Variants in NRXN1 observed in about 807,000 individuals in gnomAD.
NRXN1 encodes neurexin-1.
Under a neutral mutation model 150.9 loss-of-function variants are expected in NRXN1, and 39 were observed. The observed-to-expected ratio is 0.26, with a 90% CI of 0.20 to 0.34. The LOEUF is 0.34. NRXN1 is among the 10% of genes least tolerant of loss of function. The probability of loss-of-function intolerance (pLI) is 1.00; values close to 1 mark genes in which losing one functional copy is unlikely to be tolerated. For synonymous variants in NRXN1, 924 were observed against 757.0 expected (o/e 1.22, Z -3.62); for missense variants, 1,815 against 1,949.9 (o/e 0.93, Z 1.30).
chr2:50,638,136 C>G (rs1029608820), intron 5 of NRXN1, among the ~76,000 whole-genome samples: 108 of 152,084 alleles, frequency 7.1e-4, no homozygotes, highest in African/African-American at 2.5e-3. Flanking sequence ...AAAACTGGGT[C>G]TCTAGATCAG....
intron 17 of NRXN1, among the ~76,000 whole-genome samples, chr2:50,260,438 A>G (rs1323516181): frequency 2.0e-5 from 3 of 151,822 alleles, no homozygotes; most frequent in African/African-American, 7.2e-5. Flanking sequence ...AGATGTAGGA[A>G]ATGATTAGGT....
At chr2:50,342,471 C>T (rs868001459) in intron 17 of NRXN1, among the ~76,000 whole-genome samples, 9 of 152,274 alleles carry the variant, frequency 5.9e-5, no homozygotes, top group South Asian at 2.1e-4. Flanking sequence ...CTAAATATTT[C>T]CCCAATGTAG....
intron 5 of NRXN1, among the ~76,000 whole-genome samples, chr2:50,844,429 AC>A (rs963300233): frequency 7.2e-5 from 11 of 152,178 alleles, no homozygotes. Flanking sequence ...GTGGTTTGTT[AC>A]ATTTGCAGGC....
intron 18 of NRXN1, among the ~76,000 whole-genome samples, chr2:50,092,583 A>C (rs997696599): frequency 6.6e-5 from 10 of 152,192 alleles, no homozygotes; most frequent in African/African-American, 2.4e-4. Context: ...GAATGTTAGA[A>C]ACCTGAAGAT....
intron 5 of NRXN1, among the ~76,000 whole-genome samples, chr2:50,634,016 GA>G (rs1294305990): frequency 1.3e-5 from 2 of 152,136 alleles, no homozygotes; most frequent in African/African-American, 4.8e-5. Context: ...GAAAGAATAG[GA>G]AAAAATCCAG....
At chr2:49,947,326 C>T (rs1572988161) in intron 21 of NRXN1, among the ~76,000 whole-genome samples, 1 of 152,060 alleles carries the variant, frequency 6.6e-6, no homozygotes, top group Non-Finnish European at 1.5e-5. Context: ...ATGGCTCTCA[C>T]ATCAGCAGTG....
chr2:50,336,863 C>T (rs1243855614), intron 17 of NRXN1, among the ~76,000 whole-genome samples: 6 of 152,110 alleles, frequency 3.9e-5, no homozygotes, highest in South Asian at 2.1e-4. Flanking sequence ...ATCACAATGC[C>T]TAAAAACTAA....
At chr2:50,770,522 T>C (rs775006578) in intron 5 of NRXN1, among the ~76,000 whole-genome samples, 1 of 152,078 alleles carries the variant, frequency 6.6e-6, no homozygotes, top group Non-Finnish European at 1.5e-5. Context: ...CATCTTAATA[T>C]GGACTTTGCC....
intron 5 of NRXN1, among the ~76,000 whole-genome samples, chr2:50,819,209 C>T (rs1669358446): frequency 6.6e-6 from 1 of 152,118 alleles, no homozygotes; most frequent in African/African-American, 2.4e-5. Flanking sequence ...AAAACTAGGA[C>T]CCTGAAGAGG....
At chr2:50,110,643 G>C (rs950030132) in intron 18 of NRXN1, among the ~76,000 whole-genome samples, 1 of 151,926 alleles carries the variant, frequency 6.6e-6, no homozygotes, top group African/African-American at 2.4e-5. Context: ...AAATTAATAA[G>C]TCCTAGACAA....
chr2:49,973,007 G>T (rs1284316340), intron 21 of NRXN1: 1 of 152,110 alleles, frequency 6.6e-6, no homozygotes. Flanking sequence ...TTCTCCACAG[G>T]CCTAGGGAAT....
At chr2:50,305,792 T>C (rs2074559424) in intron 17 of NRXN1, among the ~76,000 whole-genome samples, 3 of 152,220 alleles carry the variant, frequency 2.0e-5, no homozygotes, top group South Asian at 2.1e-4. Context: ...CTGCTCTAAA[T>C]TGGTATTCCC....
intron 17 of NRXN1, among the ~76,000 whole-genome samples, chr2:50,264,689 T>C (rs2068656037): frequency 6.6e-6 from 1 of 152,104 alleles, no homozygotes; most frequent in Admixed American, 6.6e-5. Flanking sequence ...CCCCAGAATA[T>C]TATAACACAG....
intron 8 of NRXN1, among the ~76,000 whole-genome samples, chr2:50,617,135 T>A (rs918134786): frequency 1.3e-5 from 2 of 151,996 alleles, no homozygotes; most frequent in Non-Finnish European, 2.9e-5. Flanking sequence ...TATCAACAAC[T>A]AAAAAGCCCT....
chr2:50,645,609 C>T (rs1042263022), intron 5 of NRXN1, among the ~76,000 whole-genome samples: 7 of 151,946 alleles, frequency 4.6e-5, no homozygotes, highest in Admixed American at 4.6e-4. Flanking sequence ...CTGTCATGTA[C>T]TAAGCATTCA....
At chr2:50,455,683 A>C (rs2087483798) in intron 17 of NRXN1, among the ~76,000 whole-genome samples, 1 of 152,162 alleles carries the variant, frequency 6.6e-6, no homozygotes, top group South Asian at 2.1e-4. Context: ...CTGGGACAGC[A>C]GATTCAGAAT....
chr2:49,931,354 C>T (rs376763355), intron 22 of NRXN1, among the ~76,000 whole-genome samples: 32 of 152,170 alleles, frequency 2.1e-4, no homozygotes, highest in African/African-American at 7.7e-4. Context: ...ACTGCATTTG[C>T]TTTCCCTATG....
intron 18 of NRXN1, among the ~76,000 whole-genome samples, chr2:50,199,984 G>C (rs772372781): frequency 1.3e-5 from 2 of 152,136 alleles, no homozygotes; most frequent in Non-Finnish European, 2.9e-5. Flanking sequence ...GATTCACAAT[G>C]TCTGCAATGA....
At chr2:50,408,837 A>ATCTCTCTCTCTCTCAATCTCTCTCTCTC (rs2082938632) in intron 17 of NRXN1, among the ~76,000 whole-genome samples, 1 of 136,534 alleles carries the variant, frequency 7.3e-6, no homozygotes, top group East Asian at 2.2e-4. Context: ...ATCAATCTCA[A>ATCTCTCTCTCTCTCAATCTCTCTCTCTC]TCTCTCTCTC....
Sources: gnomAD v4.1 joint callset for allele counts (sites outside exome capture counted in the v4.1 genomes callset) on GRCh38, gnomAD v4.1.1 for gene constraint, MANE v1.5 for transcripts, NCBI Gene and HGNC (gene_info 2026-07-23, HGNC 2026-07-21) for gene names.